APMAP: variants seen among roughly 807,000 people sequenced by gnomAD.
APMAP encodes adipocyte plasma membrane associated protein.
Under a neutral mutation model 43.6 loss-of-function variants are expected in APMAP, and 33 were observed. The ratio of observed to expected loss-of-function variants is 0.76; its 90% CI spans 0.57 to 1.01. APMAP has a LOEUF of 1.01. Among genes scored for constraint, APMAP ranks in the 50% least tolerant of loss-of-function variants. APMAP has a pLI of 0.00. For missense variants in APMAP, 498 were observed against 540.7 expected (o/e 0.92, Z 0.78); for synonymous variants, 224 against 216.7 (o/e 1.03, Z -0.30).
chr20:24,982,189 A>G (rs974815868), intron 2 of APMAP, among the ~76,000 whole-genome samples: 12 of 150,000 alleles, frequency 8.0e-5, no homozygotes, highest in African/African-American at 3.0e-4. Context: ...TGAGCCCAGG[A>G]GAGAGAGAGA....
intron 3 of APMAP, chr20:24,974,286 G>A (rs974845775): frequency 6.6e-6 from 1 of 152,128 alleles, no homozygotes. Context: ...GTTTTCAAAT[G>A]TATATTGCAA....
chr20:24,974,084 A>G lies in APMAP; in HGVS notation c.329-347T>C, dbSNP rs528512057. The G allele has an allele frequency of 7.2e-5, 13 of 181,272 alleles. No homozygotes were observed. The South Asian group carries it at 1.8e-3, about 25-fold the overall frequency. The allele number at this position is 181,272 out of a possible 1,614,324, so 11.2% of individuals were successfully genotyped here. A position where few individuals can be genotyped will look rare whatever the true frequency, so the allele number is the denominator to read the frequency against. On this transcript the variant is annotated intron_variant, in intron 3 of 8. Transcript: ENST00000217456. The stretch of plus-strand genomic sequence containing the variant: ...GGGCATGAGTTCATATTCACCTCAC[A>G]TCAGTGTCTGCTGCTGATATTGATT...
chr20:24,964,450 G>T, intron 8 of APMAP: 1 of 471,684 alleles, frequency 2.1e-6, no homozygotes, highest in South Asian at 1.5e-5. Context: ...AATAGGCAAG[G>T]TGCAAATGAT....
At chr20:24,966,339 A>G (rs147048273) in intron 8 of APMAP, among the ~76,000 whole-genome samples, 1 of 152,320 alleles carries the variant, frequency 6.6e-6, no homozygotes, top group Non-Finnish European at 1.5e-5. Context: ...AAACCATAAG[A>G]TGGCACTGGT....
At chr20:24,969,207 T>C (rs1414213413) in intron 7 of APMAP, 123 bp from the exon 8 acceptor site, 5 of 1,052,804 alleles carry the variant, frequency 4.7e-6, no homozygotes, top group Middle Eastern at 3.0e-4. Context: ...ATGACCATCA[T>C]GAACAAAGGC....
chr20:24,966,924 G>A (rs1053168521), intron 8 of APMAP, among the ~76,000 whole-genome samples: 2 of 152,084 alleles, frequency 1.3e-5, no homozygotes, highest in East Asian at 1.9e-4. Flanking sequence ...CCGCTAACTC[G>A]GAAACAGTGC....
chr20:24,966,526 C>A (rs2087944754), intron 8 of APMAP, among the ~76,000 whole-genome samples: 2 of 152,334 alleles, frequency 1.3e-5, no homozygotes, highest in South Asian at 2.1e-4. Context: ...ATGAGCACAG[C>A]TTCACTGCTG....
chr20:24,986,777 C>A (rs2122529318), intron 1 of APMAP, among the ~76,000 whole-genome samples: 1 of 152,222 alleles, frequency 6.6e-6, no homozygotes. Flanking sequence ...TTCCCACAGC[C>A]AATGCAAGAG....
chr20:24,976,048 T>C (rs746723236), intron 3 of APMAP, among the ~76,000 whole-genome samples: 10 of 152,166 alleles, frequency 6.6e-5, no homozygotes, highest in Non-Finnish European at 1.2e-4. Context: ...AAATGGATCA[T>C]AGACCTAAAT....
At chr20:24,978,746 C>CCT (rs773718760) in intron 3 of APMAP, 21 bp downstream of exon 3, 30 of 1,255,888 alleles carry the variant, frequency 2.4e-5, no homozygotes, top group Non-Finnish European at 3.0e-5. Context: ...AGGCTCCCCC[C>CCT]CCACCCAAGC....
Position 24,973,664 on chromosome 20 carries a change from C to T in APMAP, c.402G>A (p.Arg134=), listed in dbSNP as rs1313947407. The T allele has an allele frequency of 2.5e-6, 4 of 1,613,876 alleles. No homozygotes were observed. In the African/African-American group the frequency reaches 4.0e-5, roughly 16 times the overall value. Residue 134 remains arginine, a synonymous_variant, in exon 4 of 9, where the codon CGG becomes CGA. Coordinates refer to ENST00000217456, the MANE Select transcript of APMAP (RefSeq NM_020531.3). ...LENGEIETIA[R]FGSGPCKTRD... ...ACTTACTGCAAGGGCCCGAACCAAA[C>T]CGGGCAATGGTCTCTATTTCACCAT... is the stretch of plus-strand genomic sequence containing the variant.
chr20:24,992,049 G>A (rs954218399), intron 1 of APMAP, among the ~76,000 whole-genome samples: 1 of 152,188 alleles, frequency 6.6e-6, no homozygotes, highest in Admixed American at 6.5e-5. Context: ...GACTGGTCAC[G>A]CAGCGTGAGG....
At chr20:24,971,626 G>A in intron 4 of APMAP, 50 bp from the exon 5 acceptor site, 1 of 1,447,712 alleles carries the variant, frequency 6.9e-7, no homozygotes, top group Non-Finnish European at 9.7e-7. Context: ...GATTCTACAT[G>A]TGCTGTTCTC....
intron 3 of APMAP, 49 bp downstream of exon 3, chr20:24,978,718 G>C: frequency 2.6e-6 from 3 of 1,173,804 alleles, no homozygotes; most frequent in Admixed American, 1.9e-5. Context: ...CGCCCCCTCA[G>C]ACAACAGACA....
chr20:24,973,719 G>A lies in APMAP; in HGVS notation c.347C>T (p.Thr116Ile). The stretch of plus-strand genomic sequence containing the variant: ...AAGTTTTACGACCCGGCCATCTGCT[G>A]TCCCAGTAAACATCACATCTGTTTA... Reference protein sequence around the residue: ...AHIGDVMFTGTADGRVVKLEN... With the variant: ...AHIGDVMFTGIADGRVVKLEN... The change falls in exon 4 of 9, where the codon ACA becomes ATA. Residue 116 changes from threonine (T) to isoleucine (I), a missense_variant. Thr to Ile is a moderately conservative substitution (Grantham distance 89, BLOSUM62 -1). Transcript: ENST00000217456. 6.2e-7 allele frequency: 1 copy of A among 1,614,128 alleles called. No individual in the cohort carries two copies. Among genetic ancestry groups the A allele is most frequent in the South Asian group, 1.1e-5 (1 of 91,084 alleles).
At chr20:24,964,351 A>T (rs1460286995) in intron 8 of APMAP, 1 of 527,160 alleles carries the variant, frequency 1.9e-6, no homozygotes, top group South Asian at 1.5e-5. Flanking sequence ...ACTGCAGCCA[A>T]GGCTCAGAAT....
chr20:24,966,618 G>A (rs2087945909), intron 8 of APMAP, among the ~76,000 whole-genome samples: 1 of 152,178 alleles, frequency 6.6e-6, no homozygotes, highest in South Asian at 2.1e-4. Flanking sequence ...GGACACAGCT[G>A]ACCTGTACGC....
intron 3 of APMAP, 53 bp downstream of exon 3, chr20:24,978,714 C>G: frequency 8.1e-7 from 1 of 1,235,610 alleles, no homozygotes; most frequent in Non-Finnish European, 1.2e-6. Flanking sequence ...AACCCGCCCC[C>G]TCAGACAACA....
chr20:24,964,709 C>T (rs1035143306), intron 8 of APMAP, among the ~76,000 whole-genome samples: 10 of 152,092 alleles, frequency 6.6e-5, no homozygotes, highest in Non-Finnish European at 1.2e-4. Context: ...CAGAAGGACA[C>T]CTGGTCGGAA....
Sources: gnomAD v4.1 joint callset for allele counts (sites outside exome capture counted in the v4.1 genomes callset) on GRCh38, gnomAD v4.1.1 for gene constraint, MANE v1.5 for transcripts, NCBI Gene and HGNC (gene_info 2026-07-23, HGNC 2026-07-21) for gene names.